RIN2: variants seen among roughly 807,000 people sequenced by gnomAD.
RIN2 encodes the protein RAB5 interacting protein 2.
In RIN2, 36 loss-of-function variants were observed where a neutral mutation model predicts 78.0. That is an observed-to-expected ratio of 0.46 (90% CI 0.35 to 0.61). The LOEUF (loss-of-function observed/expected upper bound fraction) is 0.61. Ranked by LOEUF, RIN2 falls within the 20% of genes least tolerant of loss-of-function variation. RIN2 has a pLI of 0.00. For missense variants in RIN2, 1,087 were observed against 1,159.7 expected, an observed-to-expected ratio of 0.94 and a Z score of 0.91; for synonymous variants, 466 against 466.8, an observed-to-expected ratio of 1.00 and a Z score of 0.02.
At chr20:19,935,260 G>A (rs781463900) in intron 4 of RIN2, 61 bp downstream of exon 4, 426 of 1,430,636 alleles carry the variant, frequency 3.0e-4, no homozygotes, top group Non-Finnish European at 3.9e-4. Context: ...CCCTGGCACT[G>A]CCAAGGGCTG....
chr20:19,933,835 G>A (rs185751658), intron 3 of RIN2, among the ~76,000 whole-genome samples: 20 of 152,170 alleles, frequency 1.3e-4, no homozygotes, highest in Admixed American at 2.6e-4. Flanking sequence ...TTGAGATGGA[G>A]CCTCACTCTG....
intron 1 of RIN2, among the ~76,000 whole-genome samples, chr20:19,786,491 C>T (rs957963833): frequency 6.6e-6 from 1 of 152,226 alleles, no homozygotes; most frequent in African/African-American, 2.4e-5. Flanking sequence ...CCCCCACACA[C>T]TCTGCCTTTT....
At chr20:19,903,344 A>C (rs2039072121) in intron 3 of RIN2, among the ~76,000 whole-genome samples, 1 of 152,118 alleles carries the variant, frequency 6.6e-6, no homozygotes, top group Non-Finnish European at 1.5e-5. Context: ...TGGTTTCAGC[A>C]TCCTGGTTTC....
intron 1 of RIN2, among the ~76,000 whole-genome samples, chr20:19,759,255 G>A (rs2033527992): frequency 6.6e-6 from 1 of 152,206 alleles, no homozygotes; most frequent in Non-Finnish European, 1.5e-5. Flanking sequence ...AATCCCTGGG[G>A]CTTTCCTAAT....
chr20:19,781,266 C>T (rs771905122), intron 1 of RIN2, among the ~76,000 whole-genome samples: 5 of 152,106 alleles, frequency 3.3e-5, no homozygotes, highest in Non-Finnish European at 7.4e-5. Context: ...ATAGAAGACA[C>T]GTGGATGGAT....
At chr20:19,993,341 T>C (rs1195851847) in intron 11 of RIN2, among the ~76,000 whole-genome samples, 1 of 151,554 alleles carries the variant, frequency 6.6e-6, no homozygotes, top group Non-Finnish European at 1.5e-5. Context: ...CAGGATTCCC[T>C]AAGGAATGAG....
At chr20:19,948,980 TAA>T (rs11478186) in intron 4 of RIN2, among the ~76,000 whole-genome samples, 7,434 of 146,824 alleles carry the variant, frequency 0.051, 354 homozygotes, top group South Asian at 0.18. Context: ...AATTTTACTT[TAA>T]AAAAAAAAAA....
chr20:19,973,719 G>C (rs1185467209), intron 8 of RIN2, among the ~76,000 whole-genome samples: 1 of 152,160 alleles, frequency 6.6e-6, no homozygotes, highest in African/African-American at 2.4e-5. Context: ...AACCTGGGAG[G>C]TGGTGGTTGC....
chr20:19,961,080 G>A (rs2041730438), intron 6 of RIN2, among the ~76,000 whole-genome samples: 1 of 152,150 alleles, frequency 6.6e-6, no homozygotes, highest in Middle Eastern at 3.2e-3. Context: ...ACTAATAGAG[G>A]TTGACTTCCT....
At chr20:19,958,270 T>C (rs2041620132) in intron 5 of RIN2, among the ~76,000 whole-genome samples, 1 of 152,246 alleles carries the variant, frequency 6.6e-6, no homozygotes, top group Non-Finnish European at 1.5e-5. Flanking sequence ...TCTAGTTTTG[T>C]TCTATAGGAT....
At chr20:19,966,075 T>C (rs1406411204) in intron 7 of RIN2, among the ~76,000 whole-genome samples, 3 of 152,224 alleles carry the variant, frequency 2.0e-5, no homozygotes, top group South Asian at 2.1e-4. Flanking sequence ...GGATTGGCAT[T>C]GCCTCCTCTT....
At chr20:19,944,695 T>C in intron 4 of RIN2, among the ~76,000 whole-genome samples, 1 of 152,104 alleles carries the variant, frequency 6.6e-6, no homozygotes, top group East Asian at 1.9e-4. Flanking sequence ...AGTGGCTTTT[T>C]TTTTTCTTTT....
intron 1 of RIN2, among the ~76,000 whole-genome samples, chr20:19,798,799 C>T (rs554317749): frequency 2.4e-3 from 359 of 152,080 alleles, no homozygotes; most frequent in African/African-American, 8.0e-3. Flanking sequence ...CTAATATTTG[C>T]GTTTTCAAGC....
intron 2 of RIN2, among the ~76,000 whole-genome samples, chr20:19,875,491 G>A (rs1751225465): frequency 6.6e-6 from 1 of 152,120 alleles, no homozygotes; most frequent in African/African-American, 2.4e-5. Context: ...AAAAAGATGA[G>A]TTAACTGGAT....
At chr20:19,936,428 G>A (rs961702368) in intron 4 of RIN2, among the ~76,000 whole-genome samples, 2 of 151,854 alleles carry the variant, frequency 1.3e-5, no homozygotes, top group African/African-American at 4.8e-5. Context: ...TCTCTATCCT[G>A]TGCCTTGTTG....
Position 19,974,941 on chromosome 20 carries a change from T to TCCCCCCCCCCCCCCCCCCCCC in RIN2, c.923_924insCCCCCCCCCCCCCCCCCCCCC (p.Pro309_Arg310insProProProProProProPro). ...CGCGAATGGCACGGAGCGGACTCGG[T>TCCCCCCCCCCCCCCCCCCCCC]CCCCCCCACCCAGGCCCCCGCCACC... On this transcript the variant is annotated inframe_insertion, in exon 9 of 13. Coordinates refer to ENST00000255006, the MANE Select transcript of RIN2 (RefSeq NM_018993.4). The TCCCCCCCCCCCCCCCCCCCCC allele has an allele frequency of 6.4e-7, 1 of 1,571,262 alleles. No homozygotes were observed.
chr20:19,861,735 C>G (rs539691382), intron 2 of RIN2, among the ~76,000 whole-genome samples: 2 of 151,120 alleles, frequency 1.3e-5, no homozygotes, highest in East Asian at 3.9e-4. Flanking sequence ...CTGATGCTCA[C>G]CCTCCATATC....
intron 2 of RIN2, among the ~76,000 whole-genome samples, chr20:19,884,847 G>A (rs1197184230): frequency 6.6e-6 from 1 of 152,144 alleles, no homozygotes; most frequent in East Asian, 1.9e-4. Context: ...GTCTCCCTGG[G>A]AGCTGGTTAA....
chr20:19,773,631 C>A (rs1369522251), intron 1 of RIN2, among the ~76,000 whole-genome samples: 1 of 151,810 alleles, frequency 6.6e-6, no homozygotes, highest in Non-Finnish European at 1.5e-5. Context: ...GGCGTGCTGT[C>A]TATTAGACCA....
Sources: gnomAD v4.1 joint callset for allele counts (sites outside exome capture counted in the v4.1 genomes callset) on GRCh38, gnomAD v4.1.1 for gene constraint, MANE v1.5 for transcripts, NCBI Gene and HGNC (gene_info 2026-07-23, HGNC 2026-07-21) for gene names.